The following PARD3B variants were observed in gnomAD, a reference collection of about 807,000 sequenced individuals.
PARD3B encodes par-3 family cell polarity regulator beta, also known as partitioning defective 3 homolog B.
In PARD3B, 103 loss-of-function variants were observed where a neutral mutation model predicts 130.2. That is an observed-to-expected ratio of 0.79 (90% CI 0.67 to 0.93). The LOEUF (loss-of-function observed/expected upper bound fraction) is 0.93. Ranked by LOEUF, PARD3B falls within the 40% of genes least tolerant of loss-of-function variation. PARD3B has a pLI of 0.00. For missense variants in PARD3B, 1,609 were observed against 1,499.2 expected (o/e 1.07, Z -1.21); for synonymous variants, 583 against 553.2 (o/e 1.05, Z -0.76).
At chr2:205,588,486 G>A (rs1343359943) in intron 22 of PARD3B, among the ~76,000 whole-genome samples, 1 of 149,694 alleles carries the variant, frequency 6.7e-6, no homozygotes, top group East Asian at 2.0e-4. Context: ...GACAAGTAAT[G>A]TTTTTTTTTC....
At chr2:205,014,758 C>G (rs536961985) in intron 3 of PARD3B, among the ~76,000 whole-genome samples, 5 of 152,246 alleles carry the variant, frequency 3.3e-5, no homozygotes, top group African/African-American at 1.2e-4. Flanking sequence ...ACACATGTAA[C>G]TGCAAACTTT....
chr2:205,074,446 A>C (rs769973471), intron 4 of PARD3B, among the ~76,000 whole-genome samples: 5 of 152,196 alleles, frequency 3.3e-5, no homozygotes, highest in African/African-American at 4.8e-5. Flanking sequence ...AGTTTATGGA[A>C]CGACTTCAGA....
At position 205,265,959 on chromosome 2, in the gene PARD3B, A is replaced by G. The variant is rs919287738; in HGVS notation, c.2185+20137A>G. 2.0e-5 allele frequency among the ~76,000 whole-genome samples: 3 copies of G among 152,092 alleles called. No homozygotes were observed. The highest frequency in any genetic ancestry group is 2.9e-5 in the Non-Finnish European group (2 of 67,952). ...GCTTTTGATTTTTGTTAAAAGCAGCATGCACATCCTATAAGGCATCAGTCA... is the reference window on the plus strand; with the variant it reads ...GCTTTTGATTTTTGTTAAAAGCAGCGTGCACATCCTATAAGGCATCAGTCA... On this transcript the variant is annotated intron_variant, in intron 16 of 22. Transcript: ENST00000406610. This position sits in a 1 kb window ranked among gnomAD's most constrained non-coding sequence, Gnocchi z 4.3.
At chr2:204,627,053 T>C (rs1377334830) in intron 1 of PARD3B, among the ~76,000 whole-genome samples, 4 of 152,146 alleles carry the variant, frequency 2.6e-5, no homozygotes, top group African/African-American at 4.8e-5. Context: ...GTGGTGGTTT[T>C]GTAAGTGTTG....
At chr2:205,250,178 T>C (rs1203966199) in intron 16 of PARD3B, among the ~76,000 whole-genome samples, 3 of 152,024 alleles carry the variant, frequency 2.0e-5, no homozygotes, top group African/African-American at 7.2e-5. Context: ...AGTTTAATGC[T>C]CCTTTATGTT....
chr2:205,186,202 G>A (rs1055104754), intron 14 of PARD3B, among the ~76,000 whole-genome samples: 3 of 151,878 alleles, frequency 2.0e-5, no homozygotes, highest in African/African-American at 7.3e-5. Flanking sequence ...TGAGAAAATA[G>A]GAAGCTTATG....
At chr2:205,532,955 G>T (rs1341652618) in intron 21 of PARD3B, among the ~76,000 whole-genome samples, 2 of 152,158 alleles carry the variant, frequency 1.3e-5, no homozygotes, top group African/African-American at 4.8e-5. Flanking sequence ...GATAATTGCT[G>T]CATATTTAGC....
chr2:205,164,822 TACACACAC>T (rs71032448), intron 11 of PARD3B, among the ~76,000 whole-genome samples: 1 of 147,244 alleles, frequency 6.8e-6, no homozygotes, highest in Non-Finnish European at 1.5e-5. Context: ...TATATATGTA[TACACACAC>T]ACACACACAC....
At chr2:205,145,802 T>C (rs1437726377) in intron 10 of PARD3B, among the ~76,000 whole-genome samples, 1 of 118,570 alleles carries the variant, frequency 8.4e-6, no homozygotes, top group Admixed American at 9.6e-5. Flanking sequence ...GTTTTAACTT[T>C]AAAAATAGCC....
intron 2 of PARD3B, among the ~76,000 whole-genome samples, chr2:204,916,266 A>G (rs761612645): frequency 2.0e-5 from 3 of 152,224 alleles, no homozygotes; most frequent in Non-Finnish European, 2.9e-5. Context: ...AGAAAACATT[A>G]TTTCACTGAC....
chr2:204,996,640 C>G (rs911595505), intron 3 of PARD3B, among the ~76,000 whole-genome samples: 8 of 150,434 alleles, frequency 5.3e-5, no homozygotes, highest in African/African-American at 1.7e-4. Context: ...CTTTGTTTAC[C>G]TAAGCAAGCC....
chr2:204,920,050 C>T (rs573587783), intron 2 of PARD3B, among the ~76,000 whole-genome samples: 72 of 152,068 alleles, frequency 4.7e-4, no homozygotes, highest in African/African-American at 1.6e-3. Context: ...AAAATTTTTC[C>T]TCTTTCATGC....
intron 16 of PARD3B, among the ~76,000 whole-genome samples, chr2:205,266,692 GGCTTAACT>G (rs2040517975): frequency 6.6e-6 from 1 of 151,948 alleles, no homozygotes; most frequent in Admixed American, 6.6e-5. Context: ...ACATGATTTT[GGCTTAACT>G]GCTTAACTAG....
intron 20 of PARD3B, among the ~76,000 whole-genome samples, chr2:205,492,434 A>C (rs2049753426): frequency 6.6e-6 from 1 of 152,204 alleles, no homozygotes; most frequent in African/African-American, 2.4e-5. Flanking sequence ...TCTGGTAGAA[A>C]TTAAATGTCC....
intron 20 of PARD3B, among the ~76,000 whole-genome samples, chr2:205,462,058 A>G (rs750455261): frequency 4.6e-5 from 7 of 152,202 alleles, no homozygotes; most frequent in African/African-American, 7.2e-5. Flanking sequence ...TACCAAATAC[A>G]TATTTGAAGG....
At chr2:205,164,825 A>G (rs531483430) in intron 11 of PARD3B, among the ~76,000 whole-genome samples, 2 of 147,478 alleles carry the variant, frequency 1.4e-5, no homozygotes, top group South Asian at 2.2e-4. Flanking sequence ...ATATGTATAC[A>G]CACACACACA....
chr2:204,979,184 C>T (rs1046430332), intron 3 of PARD3B, among the ~76,000 whole-genome samples: 84 of 146,368 alleles, frequency 5.7e-4, no homozygotes, highest in African/African-American at 8.2e-4. Context: ...CCAGCCTAGG[C>T]GACAGAGCGA....
intron 3 of PARD3B, among the ~76,000 whole-genome samples, chr2:204,993,933 T>C (rs1339606432): frequency 1.3e-5 from 2 of 151,924 alleles, no homozygotes; most frequent in Non-Finnish European, 2.9e-5. Flanking sequence ...ATATCCCCTT[T>C]ATCATTTTTT....
At chr2:205,360,063 A>G (rs2044333162) in intron 18 of PARD3B, among the ~76,000 whole-genome samples, 1 of 152,202 alleles carries the variant, frequency 6.6e-6, no homozygotes. Flanking sequence ...CTCCATCAAT[A>G]CTTGGTATTG....
Sources: gnomAD v4.1 joint callset for allele counts (sites outside exome capture counted in the v4.1 genomes callset) on GRCh38, gnomAD v4.1.1 for gene constraint, Gnocchi (gnomAD v3.1) non-coding constraint, MANE v1.5 for transcripts, NCBI Gene and HGNC (gene_info 2026-07-23, HGNC 2026-07-21) for gene names.